Variants in FLG observed in about 807,000 individuals in gnomAD.
The protein encoded by FLG is epidermal filaggrin.
FLG carries 6 observed loss-of-function variants against 3.8 expected under a neutral mutation model. That is an observed-to-expected ratio of 1.60 (90% CI 0.87 to 3.15). The LOEUF is 3.15. Ranked by LOEUF, FLG falls within the 30% of genes most tolerant of loss-of-function variation. The probability of loss-of-function intolerance (pLI) is 0.00; values close to 1 mark genes in which losing one functional copy is unlikely to be tolerated. For synonymous variants in FLG, 2,551 were observed against 1,931.6 expected (o/e 1.32, Z -8.41); for missense variants, 7,595 against 5,050.9 (o/e 1.50, Z -15.27).
Position 152,313,106 on chromosome 1 carries a change from G to T in FLG, c.1780C>A (p.Gln594Lys). 2 of 1,613,874 alleles carry T rather than the reference G, an allele frequency of 1.2e-6. No homozygotes were observed. The highest frequency in any genetic ancestry group is 1.7e-6 in the Non-Finnish European group (2 of 1,179,996). ...SGSRHHEASS[Q>K]ADSSRHSQVG... ...TGTGAGTGTCTAGAGCTGTCAGCCT[G>T]AGAGGAAGCTTCATGATGACGTGAC... The change falls in exon 3 of 3, where the codon CAG (glutamine) becomes AAG (lysine). Residue 594 changes from glutamine to lysine, a missense_variant. Gln to Lys is a moderately conservative substitution (Grantham distance 53, BLOSUM62 1). Transcript: ENST00000368799.
rs541394374 is a variant in FLG at position 152,309,148 on chromosome 1, T to C, written c.5738A>G (p.Asn1913Ser). ...GTCCTGGCTAACACTGGATCCCTGGTTCCTGCTTGTCCTGGGCCCTGATGA... is the reference window on the plus strand; with the variant it reads ...GTCCTGGCTAACACTGGATCCCTGGCTCCTGCTTGTCCTGGGCCCTGATGA... ...GQSSGPRTSR[N>S]QGSSVSQDSD... The change falls in exon 3 of 3, where the codon AAC (asparagine) becomes AGC (serine). Residue 1913 changes from asparagine to serine, a missense_variant. Coordinates refer to ENST00000368799, the MANE Select transcript of FLG (RefSeq NM_002016.2). 1.1e-3 allele frequency: 1,770 copies of C among 1,612,498 alleles called. 18 individuals are homozygous for C. The African/African-American group carries it at 0.02, about 18-fold the overall frequency.
intron 2 of FLG, chr1:152,314,957 G>A (rs561041384): frequency 3.6e-6 from 2 of 560,194 alleles, no homozygotes; most frequent in African/African-American, 1.9e-5. Context: ...GATTTGATGG[G>A]GTAAGTGACT....
In FLG at chr1:152,309,986, T is replaced by C. The variant is rs1338444390; in HGVS notation, c.4900A>G (p.Arg1634Gly). 6.2e-7 allele frequency: 1 copy of C among 1,614,008 alleles called. No individual in the cohort carries two copies. The highest frequency in any genetic ancestry group is 8.5e-7 in the Non-Finnish European group (1 of 1,180,000). Residue 1634 changes from arginine (R) to glycine (G), a missense_variant, in exon 3 of 3, where the codon AGG (arginine) becomes GGG (glycine). Physicochemically the swap from Arg to Gly is moderately radical, Grantham distance 125 (BLOSUM62 -2). Coordinates refer to ENST00000368799, the MANE Select transcript of FLG (RefSeq NM_002016.2). Reference protein sequence around the residue: ...EQSRHGSRNPRSHQEDRASHG... With the variant: ...EQSRHGSRNPGSHQEDRASHG... ...CTGGCTCTATCTTCTTGATGGGACC[T>C]GGGGTTCCTGGAGCCATGTCTTGAC... is the stretch of plus-strand genomic sequence containing the variant.
intron 1 of FLG, among the ~76,000 whole-genome samples, chr1:152,317,127 T>C (rs1213843487): frequency 6.6e-6 from 1 of 152,118 alleles, no homozygotes; most frequent in Non-Finnish European, 1.5e-5. Context: ...CCAAACACTT[T>C]GCTTTTGCAG....
Position 152,310,075 on chromosome 1 carries a change from G to GTCTCTGAGACAGACTGAC in FLG, c.4810_4811insGTCAGTCTGTCTCAGAGA (p.Ser1604delinsCysGlnSerValSerGluThr). ...CTCAGACCGCCTCTCAGAGTCTTCT[G>GTCTCTGAGACAGACTGAC]AGTGTCCCTCACTGTCCCTGTCCTG... On this transcript the variant is annotated protein_altering_variant, in exon 3 of 3. Transcript: ENST00000368799. 6.2e-7 allele frequency: 1 copy of GTCTCTGAGACAGACTGAC among 1,614,024 alleles called. No individual in the cohort carries two copies. The highest frequency in any genetic ancestry group is 8.5e-7 in the Non-Finnish European group (1 of 1,180,014).
intron 1 of FLG, among the ~76,000 whole-genome samples, chr1:152,317,659 T>G (rs187421711): frequency 1.6e-4 from 25 of 152,100 alleles, no homozygotes; most frequent in African/African-American, 5.5e-4. Flanking sequence ...CCTCGGGTCA[T>G]CTCATCTAGT....
At chr1:152,316,915 C>G (rs1278411028) in intron 1 of FLG, among the ~76,000 whole-genome samples, 2 of 152,100 alleles carry the variant, frequency 1.3e-5, no homozygotes, top group Non-Finnish European at 2.9e-5. Flanking sequence ...TTCTTCTTTC[C>G]TTTATCTCTG....
In FLG at chr1:152,311,189, A is replaced by C. The variant is rs775682027; in HGVS notation, c.3697T>G (p.Ser1233Ala). 6.2e-7 allele frequency: 1 copy of C among 1,613,434 alleles called. No homozygotes were observed. Among genetic ancestry groups the C allele is most frequent in the Non-Finnish European group, 8.5e-7 (1 of 1,179,960 alleles). Reference protein sequence around the residue: ...DKQSGDGSRHSGSRHHEAASW... With the variant: ...DKQSGDGSRHAGSRHHEAASW... ...GCAGCTTCATGGTGACGTGACCCTG[A>C]GTGCCTGGAGCCGTCTCCTGATTGT... Residue 1233 changes from serine to alanine, a missense_variant, in exon 3 of 3, where the codon TCA becomes GCA. Coordinates refer to ENST00000368799, the MANE Select transcript of FLG (RefSeq NM_002016.2).
rs1340627622 is a variant in FLG at position 152,308,516 on chromosome 1, C to T, written c.6370G>A (p.Asp2124Asn). Residue 2124 changes from aspartate to asparagine, a missense_variant, in exon 3 of 3, where the codon GAC becomes AAC. Physicochemically the swap from Asp to Asn is conservative, Grantham distance 23. Transcript: ENST00000368799. ...TGGGATGCTGAGTGCCTGGAGCTGT[C>T]TTGTGCCTGATCATAATGGGATCCT... ...RQGSHYDQAQ[D>N]SSRHSASQEG... is the part of the protein sequence containing the mutation. 2 of 1,613,730 alleles carry T rather than the reference C, an allele frequency of 1.2e-6. No homozygotes were observed. The highest frequency in any genetic ancestry group is 1.7e-6 in the Non-Finnish European group (2 of 1,179,742).
chr1:152,308,404 G>A lies in FLG; in HGVS notation c.6482C>T (p.Ser2161Phe), dbSNP rs1191873733. ...GSHQEQSVDR[S>F]GHSGSHHSHT... is the part of the protein sequence containing the mutation. ...GCTGTGATGAGACCCTGAGTGTCCA[G>A]ACCTATCTACCGATTGCTCTTGGTG... The change falls in exon 3 of 3, where the codon TCT (serine) becomes TTT (phenylalanine). Residue 2161 changes from serine to phenylalanine, a missense_variant. Coordinates refer to ENST00000368799, the MANE Select transcript of FLG (RefSeq NM_002016.2). 1 of 1,613,810 alleles carries A rather than the reference G, an allele frequency of 6.2e-7. No homozygotes were observed.
At position 152,311,082 on chromosome 1, in the gene FLG, G is replaced by C. The variant is rs1652382442; in HGVS notation, c.3804C>G (p.Ser1268=). 6.2e-7 allele frequency: 1 copy of C among 1,613,906 alleles called. No homozygotes were observed. Among genetic ancestry groups the C allele is most frequent in the Middle Eastern group, 1.6e-4 (1 of 6,062 alleles). ...CACTGTCACTGTCCTGGCTAACACT[G>C]GATCCCTGGTGCCTGCTTGTCCTGG... The part of the protein sequence containing the change: ...SGSRTSRHQG[S]SVSQDSDSER... Residue 1268 remains serine, a synonymous_variant, in exon 3 of 3, where the codon TCC becomes TCG. Transcript: ENST00000368799.
In FLG at chr1:152,313,351, C is replaced by T. The variant is rs370748065; in HGVS notation, c.1535G>A (p.Gly512Asp). The T allele has an allele frequency of 4.3e-6, 7 of 1,613,312 alleles. No homozygotes were observed. In the East Asian group the frequency reaches 1.1e-4, roughly 26 times the overall value. ...CGGGTGTCCACGAATGGTGTCCTGA[C>T]CCTCTTGGGACGCTGAATGCCTGGA... ...DSSRHSASQE[G>D]QDTIRGHPGS... The change falls in exon 3 of 3, where the codon GGT (glycine) becomes GAT (aspartate). Residue 512 changes from glycine (G) to aspartate (D), a missense_variant. Gly to Asp is a moderately conservative substitution (Grantham distance 94). Coordinates refer to ENST00000368799, the MANE Select transcript of FLG (RefSeq NM_002016.2).
Position 152,312,971 on chromosome 1 carries a change from C to G in FLG, c.1915G>C (p.Gly639Arg). 6.2e-7 allele frequency: 1 copy of G among 1,613,982 alleles called. No homozygotes were observed. The highest frequency in any genetic ancestry group is 1.1e-5 in the South Asian group (1 of 91,076). Reference sequence around the variant, plus strand: ...CCATGATGGTTTCTGGAAGCAGACCCAGACCACCTCTCAGAGTCTTCTGAG... The same window carrying G: ...CCATGATGGTTTCTGGAAGCAGACCGAGACCACCTCTCAGAGTCTTCTGAG... ...GHSEDSERWS[G>R]SASRNHHGSA... The change falls in exon 3 of 3, where the codon GGG becomes CGG. Residue 639 changes from glycine (G) to arginine (R), a missense_variant. By Grantham distance (125) the Gly-to-Arg change is moderately radical. Coordinates refer to ENST00000368799, the MANE Select transcript of FLG (RefSeq NM_002016.2).
At position 152,310,101 on chromosome 1, in the gene FLG, A is replaced by G. The variant is rs754341076; in HGVS notation, c.4785T>C (p.Ser1595=). Residue 1595 remains serine (S), a synonymous_variant, in exon 3 of 3, where the codon AGT becomes AGC. Transcript: ENST00000368799. ...AGTGTCCCTCACTGTCCCTGTCCTGACTAACACTGGATCCCTGGCGCCTGC... is the reference window on the plus strand; with the variant it reads ...AGTGTCCCTCACTGTCCCTGTCCTGGCTAACACTGGATCCCTGGCGCCTGC... The part of the protein sequence containing the change: ...KTSRRQGSSV[S]QDRDSEGHSE... 14 of 1,613,330 alleles carry G rather than the reference A, an allele frequency of 8.7e-6. 1 individual carries two copies. The African/African-American group carries it at 1.2e-4, about 14-fold the overall frequency.
chr1:152,313,721 G>C lies in FLG; in HGVS notation c.1165C>G (p.Gln389Glu), dbSNP rs780239211. The C allele has an allele frequency of 1.1e-5, 18 of 1,613,916 alleles. No homozygotes were observed. Among genetic ancestry groups the C allele is most frequent in the Non-Finnish European group, 1.4e-5 (16 of 1,179,982 alleles). The change falls in exon 3 of 3, where the codon CAG becomes GAG. Residue 389 changes from glutamine (Q) to glutamate (E), a missense_variant. Transcript: ENST00000368799. ...SPGERHGSGHQQSADSSRHSA... is the reference protein window; with the variant it reads ...SPGERHGSGHEQSADSSRHSA... ...TGTCTGGAGCTGTCTGCTGACTGCT[G>C]GTGGCCGGATCCATGTCTTTCTCCT...
At position 152,314,413 on chromosome 1, in the gene FLG, T is replaced by C. The variant is rs201704837; in HGVS notation, c.473A>G (p.Lys158Arg). 597 of 1,613,488 alleles carry C rather than the reference T, an allele frequency of 3.7e-4. 1 individual carries two copies. Among genetic ancestry groups the C allele is most frequent in the Non-Finnish European group, 4.8e-4 (561 of 1,179,938 alleles). ...AGGTGAATATCCTTTTCTTTCTTTT[T>C]TTTCAGAACTAGATTCATGCCTTTT... is the stretch of plus-strand genomic sequence containing the variant. ...GGKRHESSSE[K>R]KERKGYSPTH... The change falls in exon 3 of 3, where the codon AAA becomes AGA. Residue 158 changes from lysine (K) to arginine (R), a missense_variant. Physicochemically the swap from Lys to Arg is conservative, Grantham distance 26 (BLOSUM62 2). Coordinates refer to ENST00000368799, the MANE Select transcript of FLG (RefSeq NM_002016.2).
chr1:152,303,693 A>G lies in FLG; in HGVS notation c.11193T>C (p.Thr3731=), dbSNP rs1651744582. Residue 3731 remains threonine, a synonymous_variant, in exon 3 of 3, where the codon ACT becomes ACC. Coordinates refer to ENST00000368799, the MANE Select transcript of FLG (RefSeq NM_002016.2). ...ESAHGRAGPS[T]GGRQGSRHEQ... ...CGTGGCGGGATCCTTGTCTTCCTCC[A>G]GTACTGGGCCCAGCCCGTCCATGGG... 1 of 1,613,714 alleles carries G rather than the reference A, an allele frequency of 6.2e-7. No homozygotes were observed. Among genetic ancestry groups the G allele is most frequent in the Non-Finnish European group, 8.5e-7 (1 of 1,179,934 alleles).
In FLG at chr1:152,310,844, G is replaced by C. The variant is rs140385759; in HGVS notation, c.4042C>G (p.Gln1348Glu). The C allele has an allele frequency of 1.2e-6, 2 of 1,611,840 alleles. No homozygotes were observed. The highest frequency in any genetic ancestry group is 1.7e-6 in the Non-Finnish European group (2 of 1,179,006). Residue 1348 changes from glutamine (Q) to glutamate (E), a missense_variant, in exon 3 of 3, where the codon CAG becomes GAG. Coordinates refer to ENST00000368799, the MANE Select transcript of FLG (RefSeq NM_002016.2). ...SHGQAVSSHEQARSSPGERHG... is the reference protein window; with the variant it reads ...SHGQAVSSHEEARSSPGERHG... ...CTTTCTCCTGGACTTGATCTTGCCTGTTCATGGGATGACACAGCCTGTCCA... is the reference window on the plus strand; with the variant it reads ...CTTTCTCCTGGACTTGATCTTGCCTCTTCATGGGATGACACAGCCTGTCCA...
chr1:152,305,162 A>T lies in FLG; in HGVS notation c.9724T>A (p.Ser3242Thr), dbSNP rs1304976821. Residue 3242 changes from serine to threonine, a missense_variant, in exon 3 of 3, where the codon TCT (serine) becomes ACT (threonine). By Grantham distance (58) the Ser-to-Thr change is moderately conservative. Transcript: ENST00000368799. ...SGSASRNHRGSVQEQSRHGSR... is the reference protein window; with the variant it reads ...SGSASRNHRGTVQEQSRHGSR... Reference sequence around the variant, plus strand: ...CCGTGCCTTGACTGCTCCTGAACAGATCCACGATGGTTTCTGGAAGCAGAC... The same window carrying T: ...CCGTGCCTTGACTGCTCCTGAACAGTTCCACGATGGTTTCTGGAAGCAGAC... 6.2e-7 allele frequency: 1 copy of T among 1,613,714 alleles called. No individual in the cohort carries two copies.
Sources: gnomAD v4.1 joint callset for allele counts (sites outside exome capture counted in the v4.1 genomes callset) on GRCh38, gnomAD v4.1.1 for gene constraint, MANE v1.5 for transcripts, NCBI Gene and HGNC (gene_info 2026-07-23, HGNC 2026-07-21) for gene names.